The following ZCWPW1 variants were observed in gnomAD, a reference collection of about 807,000 sequenced individuals.
The protein encoded by ZCWPW1 is zinc finger CW-type PWWP domain protein 1.
In ZCWPW1, 56 loss-of-function variants were observed where a neutral mutation model predicts 81.3. The ratio of observed to expected loss-of-function variants is 0.69; its 90% CI spans 0.56 to 0.86. The LOEUF (loss-of-function observed/expected upper bound fraction) is 0.86. Among genes scored for constraint, ZCWPW1 ranks in the 40% least tolerant of loss-of-function variants. ZCWPW1 has a pLI of 0.00. For missense variants in ZCWPW1, 650 were observed against 769.8 expected (o/e 0.84, Z 1.84); for synonymous variants, 250 against 273.7 (o/e 0.91, Z 0.86).
rs935138510 is a variant in ZCWPW1 at position 100,412,911 on chromosome 7, A to G, written c.754+3064T>C. On this transcript the variant is annotated intron_variant, in intron 8 of 17. Coordinates refer to ENST00000684423, the MANE Select transcript of ZCWPW1 (RefSeq NM_001386010.1). ...TTTTAAATATATATTTTTTTGAGACAGGGTCTTGCTCTGTTACCCATGCTG... is the reference window on the plus strand; with the variant it reads ...TTTTAAATATATATTTTTTTGAGACGGGGTCTTGCTCTGTTACCCATGCTG... Among the ~76,000 whole-genome samples, 8 of 151,958 alleles carry G rather than the reference A, an allele frequency of 5.3e-5. 1 individual carries two copies. The South Asian group carries it at 1.7e-3, about 32-fold the overall frequency.
Position 100,401,223 on chromosome 7 carries a change from C to G in ZCWPW1, c.1741G>C (p.Ala581Pro), listed in dbSNP as rs1362977526. The change falls in exon 18 of 18, where the codon GCC becomes CCC. Residue 581 changes from alanine (A) to proline (P), a missense_variant. Physicochemically the swap from Ala to Pro is conservative, Grantham distance 27. Transcript: ENST00000684423. ...KNLGLSACKG[A>P]CPSSAKEEPR... ...TCTTCTTTCGCAGATGAGGGGCAGG[C>G]CCCCTTACACGCTGATAGGCCCAGG... 2 of 1,614,102 alleles carry G rather than the reference C, an allele frequency of 1.2e-6. No homozygotes were observed. Among genetic ancestry groups the G allele is most frequent in the Admixed American group, 3.3e-5 (2 of 60,004 alleles).
At chr7:100,401,833 G>GGAGATGCTGACAGGCACC in intron 17 of ZCWPW1, 56 bp downstream of exon 17, 1 of 1,536,390 alleles carries the variant, frequency 6.5e-7, no homozygotes, top group Admixed American at 2.1e-5. Flanking sequence ...TTCAGGGAGG[G>GGAGATGCTGACAGGCACC]GAGATGCTGA....
rs565847651 is a variant in ZCWPW1 at position 100,409,517 on chromosome 7, G to A, written c.782C>T (p.Ser261Phe). 12 of 1,614,028 alleles carry A rather than the reference G, an allele frequency of 7.4e-6. No homozygotes were observed. In the East Asian group the frequency reaches 2.7e-4, roughly 36 times the overall value. Residue 261 changes from serine to phenylalanine, a missense_variant, in exon 9 of 18, where the codon TCC becomes TTC. Ser to Phe is a radical substitution (Grantham distance 155, BLOSUM62 -2). Coordinates refer to ENST00000684423, the MANE Select transcript of ZCWPW1 (RefSeq NM_001386010.1). ...CCTCCATTTCCCACAGTTTGGGAAGGAACACTGGACCCAGACCAGACATTG... is the reference window on the plus strand; with the variant it reads ...CCTCCATTTCCCACAGTTTGGGAAGAAACACTGGACCCAGACCAGACATTG... ...FGQCLVWVQC[S>F]FPNCGKWRRL... is the part of the protein sequence containing the mutation.
Position 100,416,354 on chromosome 7 carries a change from A to G in ZCWPW1, c.582T>C (p.Ser194=), listed in dbSNP as rs749900147. ...SKLGQPDPAP[S]KKKSNRLTLS... ...AGGTGAGTCTATTGGATTTCTTCTT[A>G]GAGGGTGCAGGATCTGGCTGGCCTA... is the stretch of plus-strand genomic sequence containing the variant. Residue 194 remains serine, a synonymous_variant, in exon 7 of 18, where the codon TCT becomes TCC. Transcript: ENST00000684423. 12 of 1,614,164 alleles carry G rather than the reference A, an allele frequency of 7.4e-6. No individual in the cohort carries two copies. The highest frequency in any genetic ancestry group is 1.0e-5 in the Non-Finnish European group (12 of 1,180,030).
intron 6 of ZCWPW1, 62 bp downstream of exon 6, chr7:100,417,004 C>A: frequency 7.2e-6 from 8 of 1,117,548 alleles, no homozygotes; most frequent in Non-Finnish European, 9.4e-6. Flanking sequence ...GATAGATAGA[C>A]TGACTGACCA....
At chr7:100,412,540 TTC>T (rs1794380760) in intron 8 of ZCWPW1, among the ~76,000 whole-genome samples, 1 of 152,160 alleles carries the variant, frequency 6.6e-6, no homozygotes, top group South Asian at 2.1e-4. Flanking sequence ...CCATCCACTT[TTC>T]TCTTTCTCTA....
chr7:100,418,790 CAAAAAAA>C (rs374789575), intron 5 of ZCWPW1: 5 of 133,240 alleles, frequency 3.8e-5, no homozygotes, highest in Non-Finnish European at 6.4e-5. Context: ...GATTCCATCT[CAAAAAAA>C]AAAAAATAAT....
rs146125760 is a variant in ZCWPW1, at chr7:100,416,665, G to C, written c.480-209C>G. Among the ~76,000 whole-genome samples the C allele has an allele frequency of 4.0e-3, 601 of 152,076 alleles. 5 individuals are homozygous for C. Among genetic ancestry groups the C allele is most frequent in the African/African-American group, 0.014 (575 of 41,508 alleles). ...AGAAATCTATAGAAATATGATAAAT[G>C]GGCTGGGCCTGGTGGCTCACGCCTG... is the stretch of plus-strand genomic sequence containing the variant. On this transcript the variant is annotated intron_variant, in intron 6 of 17. Transcript: ENST00000684423.
In ZCWPW1 at chr7:100,416,084, C is replaced by T; in HGVS notation, c.645G>A (p.Val215=). Reference sequence around the variant, plus strand: ...GCTCATGTCCACCTTGAGTTTTCTCCACCTTCTCATCTTCTGGGAAGAAAA... The same window carrying T: ...GCTCATGTCCACCTTGAGTTTTCTCTACCTTCTCATCTTCTGGGAAGAAAA... ...KRKKEAQDEK[V]EKTQGGHEHR... The change falls in exon 8 of 18, where the codon GTG becomes GTA. Residue 215 remains valine (V), a synonymous_variant. Coordinates refer to ENST00000684423, the MANE Select transcript of ZCWPW1 (RefSeq NM_001386010.1). 1 of 1,613,874 alleles carries T rather than the reference C, an allele frequency of 6.2e-7. No homozygotes were observed. Among genetic ancestry groups the T allele is most frequent in the Non-Finnish European group, 8.5e-7 (1 of 1,180,024 alleles).
At chr7:100,417,002 G>T in intron 6 of ZCWPW1, 64 bp downstream of exon 6, 34 of 1,068,224 alleles carry the variant, frequency 3.2e-5, no homozygotes, top group Non-Finnish European at 4.6e-5. Flanking sequence ...CAGATAGATA[G>T]ACTGACTGAC....
rs377759288 is a variant in ZCWPW1, at chr7:100,419,750, G to A, written c.162C>T (p.Ser54=). The change falls in exon 4 of 18, where the codon AGC becomes AGT. Residue 54 remains serine, a synonymous_variant. Coordinates refer to ENST00000684423, the MANE Select transcript of ZCWPW1 (RefSeq NM_001386010.1). Reference sequence around the variant, plus strand: ...TCTTCTTTAAACTGGCCTTTGGCAGGCTTATCCTGGCCTCTGTCTCTGGGG... The same window carrying A: ...TCTTCTTTAAACTGGCCTTTGGCAGACTTATCCTGGCCTCTGTCTCTGGGG... ...ISSPETEARI[S]LPKASLKKKE... 1 of 1,614,048 alleles carries A rather than the reference G, an allele frequency of 6.2e-7. No individual in the cohort carries two copies. The highest frequency in any genetic ancestry group is 2.2e-5 in the East Asian group (1 of 44,876).
chr7:100,408,757 T>G (rs945131739), intron 9 of ZCWPW1, 98 bp from the exon 10 acceptor site: 1 of 1,459,938 alleles, frequency 6.8e-7, no homozygotes, highest in African/African-American at 1.4e-5. Context: ...AATTGGTATA[T>G]GCAGCAGGTG....
intron 13 of ZCWPW1, 131 bp downstream of exon 13, chr7:100,404,882 T>G (rs1165949724): frequency 1.2e-6 from 1 of 819,450 alleles, no homozygotes; most frequent in African/African-American, 1.7e-5. Flanking sequence ...AGGGCACTTA[T>G]ATCTGAAACC....
Position 100,401,282 on chromosome 7 carries a change from G to A in ZCWPW1, c.1682C>T (p.Ser561Leu), listed in dbSNP as rs765733577. Residue 561 changes from serine to leucine, a missense_variant, in exon 18 of 18, where the codon TCA (serine) becomes TTA (leucine). Physicochemically the swap from Ser to Leu is moderately radical, Grantham distance 145 (BLOSUM62 -2). Coordinates refer to ENST00000684423, the MANE Select transcript of ZCWPW1 (RefSeq NM_001386010.1). The part of the protein sequence containing the change: ...PQSKALAASF[S>L]EGKEVRTVPK... The stretch of plus-strand genomic sequence containing the variant: ...CACTGTTCTAACTTCTTTTCCCTCT[G>A]AAAAGCTGGCTGCCAAGGCCTTGCT... The A allele has an allele frequency of 6.2e-7, 1 of 1,601,072 alleles. No homozygotes were observed. Among genetic ancestry groups the A allele is most frequent in the Non-Finnish European group, 8.5e-7 (1 of 1,172,718 alleles).
At chr7:100,411,361 GGTTCCAGTGAT>G (rs1794125006) in intron 8 of ZCWPW1, among the ~76,000 whole-genome samples, 1 of 151,764 alleles carries the variant, frequency 6.6e-6, no homozygotes, top group Non-Finnish European at 1.5e-5. Context: ...CCACTTCCCA[GGTTCCAGTGAT>G]CCTCCCACTT....
At chr7:100,415,029 G>A (rs913440191) in intron 8 of ZCWPW1, among the ~76,000 whole-genome samples, 1 of 133,874 alleles carries the variant, frequency 7.5e-6, no homozygotes, top group African/African-American at 2.7e-5. Context: ...ATCTCAAAAC[G>A]AAACAAAACA....
intron 16 of ZCWPW1, 30 bp from the exon 17 acceptor site, chr7:100,402,071 C>G: frequency 1.9e-6 from 3 of 1,581,110 alleles, no homozygotes; most frequent in Non-Finnish European, 2.6e-6. Flanking sequence ...GTTTATTTCT[C>G]TCTAAACGAC....
rs1793124149 is a variant in ZCWPW1 at position 100,406,890 on chromosome 7, CAGA to C, written c.1069-95_1069-93del. 2.5e-6 allele frequency: 3 copies of C among 1,177,460 alleles called. 1 individual carries two copies. The South Asian group carries it at 4.1e-5, about 16-fold the overall frequency. The allele number at this position is 1,177,460 out of a possible 1,614,324, so 72.9% of individuals were successfully genotyped here. A position where few individuals can be genotyped will look rare whatever the true frequency, so the allele number is the denominator to read the frequency against. ...CAGATCGGGAGAATGGGAATTCACC[CAGA>C]AGGAGGTGCTGGGCCTCACATACTC... On this transcript the variant is annotated intron_variant, in intron 11 of 17. Transcript: ENST00000684423.
At position 100,416,112 on chromosome 7, in the gene ZCWPW1, G is replaced by A. The variant is rs752067017; in HGVS notation, c.632-15C>T. Reference sequence around the variant, plus strand: ...CTTCTCATCTTCTGGGAAGAAAAAAGAAAACGTGAGGTGGGGAGATGAAGA... The same window carrying A: ...CTTCTCATCTTCTGGGAAGAAAAAAAAAAACGTGAGGTGGGGAGATGAAGA... On this transcript the variant is annotated splice_polypyrimidine_tract_variant and intron_variant, in intron 7 of 17. Coordinates refer to ENST00000684423, the MANE Select transcript of ZCWPW1 (RefSeq NM_001386010.1). The A allele has an allele frequency of 6.2e-7, 1 of 1,612,910 alleles. No individual in the cohort carries two copies.
Sources: gnomAD v4.1 joint callset for allele counts (sites outside exome capture counted in the v4.1 genomes callset) on GRCh38, gnomAD v4.1.1 for gene constraint, MANE v1.5 for transcripts, NCBI Gene and HGNC (gene_info 2026-07-23, HGNC 2026-07-21) for gene names.